IST1: variants seen among roughly 807,000 people sequenced by gnomAD.
IST1 encodes the protein IST1 factor associated with ESCRT-III.
In IST1, 23 loss-of-function variants were observed where a neutral mutation model predicts 37.0. The observed-to-expected ratio is 0.62, with a 90% CI of 0.45 to 0.88. IST1 has a LOEUF of 0.88. Ranked by LOEUF, IST1 falls within the 40% of genes least tolerant of loss-of-function variation. IST1 has a pLI of 0.00. For missense variants in IST1, 488 were observed against 445.4 expected, an observed-to-expected ratio of 1.10 and a Z score of -0.86; for synonymous variants, 180 against 161.7, an observed-to-expected ratio of 1.11 and a Z score of -0.86.
At chr16:71,904,835 T>C (rs954360009) in intron 1 of IST1, among the ~76,000 whole-genome samples, 5 of 152,234 alleles carry the variant, frequency 3.3e-5, no homozygotes, top group Admixed American at 6.5e-5. Context: ...TTTGGTTCAT[T>C]CTCACAATAT....
chr16:71,895,502 CTTG>C, upstream of IST1: 2 of 985,730 alleles, frequency 2.0e-6, no homozygotes, highest in Non-Finnish European at 2.4e-6. Flanking sequence ...TCCGCCCGCG[CTTG>C]TTGTGCTGAG....
upstream of IST1, chr16:71,895,478 G>GC (rs2036943095): frequency 1.0e-5 from 10 of 981,670 alleles, no homozygotes; most frequent in Non-Finnish European, 1.2e-5. Flanking sequence ...GGCTATATCG[G>GC]CCCCGTGGAT....
chr16:71,895,215 TGAGGCCGTGGGCGCA>T (rs576686015), upstream of IST1: 119 of 180,040 alleles, frequency 6.6e-4, 4 homozygotes, highest in East Asian at 0.017. Flanking sequence ...CTGGGCGCGG[TGAGGCCGTGGGCGCA>T]GAGTCCGAGA....
Position 71,927,628 on chromosome 16 carries a change from C to G in IST1, c.916C>G (p.Pro306Ala), listed in dbSNP as rs1035353729. Reference protein sequence around the residue: ...SAQIVGPGPKPEASAKLPSRP... With the variant: ...SAQIVGPGPKAEASAKLPSRP... ...GCCCTAATTAGGTCCTGGACCCAAGCCAGAAGCCTCTGCAAAGCTTCCTTC... is the reference window on the plus strand; with the variant it reads ...GCCCTAATTAGGTCCTGGACCCAAGGCAGAAGCCTCTGCAAAGCTTCCTTC... The change falls in exon 10 of 10, where the codon CCA becomes GCA. Residue 306 changes from proline to alanine, a missense_variant. Physicochemically the swap from Pro to Ala is conservative, Grantham distance 27. Around this residue, in one of 2 missense-constraint regions of IST1, gnomAD observed 455 missense variants for 386.2 expected, o/e 1.18. Coordinates refer to ENST00000378799, the MANE Select transcript of IST1 (RefSeq NM_001270975.2). The G allele has an allele frequency of 6.2e-7, 1 of 1,613,570 alleles. No individual in the cohort carries two copies. Among genetic ancestry groups the G allele is most frequent in the Non-Finnish European group, 8.5e-7 (1 of 1,179,632 alleles).
chr16:71,930,088 A>G lies in IST1; in HGVS notation c.*2275A>G, dbSNP rs1418710064. The G allele has an allele frequency of 3.9e-6, 6 of 1,551,516 alleles. No homozygotes were observed. The East Asian group carries it at 1.5e-4, about 38-fold the overall frequency. On this transcript the variant is annotated 3_prime_UTR_variant, in exon 10 of 10. Transcript: ENST00000378799. Reference sequence around the variant, plus strand: ...TTCTTTCTTTTCCAAAGGCCATGAGAATGGCCGAAACGAAAAGATTAATTA... The same window carrying G: ...TTCTTTCTTTTCCAAAGGCCATGAGGATGGCCGAAACGAAAAGATTAATTA...
Position 71,899,781 on chromosome 16 carries a change from C to T in IST1, c.-16+4192C>T, listed in dbSNP as rs373873993. Among the ~76,000 whole-genome samples the T allele has an allele frequency of 1.9e-4, 29 of 150,132 alleles. 1 individual carries two copies. The highest frequency in any genetic ancestry group is 1.0e-3 in the Admixed American group (15 of 15,044). On this transcript the variant is annotated intron_variant, in intron 1 of 9. Coordinates refer to ENST00000378799, the MANE Select transcript of IST1 (RefSeq NM_001270975.2). ...GCTAACGCCTGTAATCCCAGCACTT[C>T]GGGAGGCCGAGGCGGGTGGATCACA...
intron 1 of IST1, among the ~76,000 whole-genome samples, chr16:71,904,319 C>A (rs892418396): frequency 1.3e-5 from 2 of 152,120 alleles, no homozygotes; most frequent in Non-Finnish European, 2.9e-5. Context: ...GATGGGGTTT[C>A]GTCATGTTGA....
intron 1 of IST1, among the ~76,000 whole-genome samples, chr16:71,915,304 A>AT (rs1447072939): frequency 6.6e-6 from 1 of 152,034 alleles, no homozygotes; most frequent in Non-Finnish European, 1.5e-5. Flanking sequence ...CTGTCACCAA[A>AT]TTCTTTCAGC....
upstream of IST1, chr16:71,895,005 G>A (rs1157237744): frequency 1.7e-6 from 1 of 595,764 alleles, no homozygotes; most frequent in Non-Finnish European, 2.9e-6. Flanking sequence ...TAAAAGCGGG[G>A]CGGGGGAACG....
At chr16:71,922,818 TGTG>T (rs761560381) in intron 7 of IST1, 138 bp downstream of exon 7, 6 of 702,718 alleles carry the variant, frequency 8.5e-6, no homozygotes, top group African/African-American at 1.8e-5. Flanking sequence ...GCAGTCATCT[TGTG>T]GGGAAAAAAC....
chr16:71,905,954 C>T (rs922386092), intron 1 of IST1, among the ~76,000 whole-genome samples: 10 of 151,624 alleles, frequency 6.6e-5, no homozygotes, highest in Non-Finnish European at 1.5e-5. Context: ...TTCTGGGTTT[C>T]CTTCTGGTTA....
chr16:71,927,977 G>C lies in IST1; in HGVS notation c.*164G>C, dbSNP rs569026674. ...CTCCTCCAGATTCTGCTGCTTTCCA[G>C]TTCTCTGTTGATCCTGAGACTAACA... On this transcript the variant is annotated 3_prime_UTR_variant, in exon 10 of 10. Coordinates refer to ENST00000378799, the MANE Select transcript of IST1 (RefSeq NM_001270975.2). 5.0e-6 allele frequency: 3 copies of C among 606,012 alleles called. No individual in the cohort carries two copies. Among genetic ancestry groups the C allele is most frequent in the African/African-American group, 3.7e-5 (2 of 54,038 alleles). The allele number at this position is 606,012 out of a possible 1,614,324, so 37.5% of individuals were successfully genotyped here. A position where few individuals can be genotyped will look rare whatever the true frequency, so the allele number is the denominator to read the frequency against.
chr16:71,923,676 G>A (rs763986712), intron 8 of IST1, among the ~76,000 whole-genome samples: 2 of 152,174 alleles, frequency 1.3e-5, no homozygotes, highest in African/African-American at 2.4e-5. Flanking sequence ...TGTTTTGACC[G>A]ACTAGGCAGA....
At position 71,913,894 on chromosome 16, in the gene IST1, C is replaced by T. The variant is rs111577250; in HGVS notation, c.-15-1732C>T. On this transcript the variant is annotated intron_variant, in intron 1 of 9. Transcript: ENST00000378799. ...TGTGATCTCAGCTCACTGCAAACTC[C>T]GCCTCCTGGGTTAAAGCAATTCTCC... Among the ~76,000 whole-genome samples, 900 of 151,904 alleles carry T rather than the reference C, an allele frequency of 5.9e-3. 12 individuals carry two copies. Among genetic ancestry groups the T allele is most frequent in the African/African-American group, 0.02 (848 of 41,414 alleles).
chr16:71,929,666 G>A lies in IST1; in HGVS notation c.*1853G>A, dbSNP rs1007690847. ...AGCTTCTGTAGCAGTGTATCTATTA[G>A]TGCAGCTTCTTTCTGAGTATTGAAG... On this transcript the variant is annotated 3_prime_UTR_variant, in exon 10 of 10. Transcript: ENST00000378799. 9 of 1,547,324 alleles carry A rather than the reference G, an allele frequency of 5.8e-6. No homozygotes were observed. The highest frequency in any genetic ancestry group is 7.0e-6 in the Non-Finnish European group (8 of 1,145,666).
intron 1 of IST1, among the ~76,000 whole-genome samples, chr16:71,903,873 G>A (rs1449706634): frequency 3.9e-5 from 6 of 152,174 alleles, no homozygotes; most frequent in Admixed American, 6.6e-5. Flanking sequence ...AGGTTGATCA[G>A]TTATGGTGGG....
At chr16:71,895,649 A>G (rs2036948614) in intron 1 of IST1, 60 bp downstream of exon 1, 6 of 725,200 alleles carry the variant, frequency 8.3e-6, no homozygotes, top group Non-Finnish European at 1.0e-5. Flanking sequence ...TGCGCTCCTG[A>G]TTTAGCGGTC....
At chr16:71,925,477 A>G (rs541910042) in intron 9 of IST1, among the ~76,000 whole-genome samples, 2 of 151,396 alleles carry the variant, frequency 1.3e-5, no homozygotes, top group African/African-American at 4.9e-5. Context: ...CACCACGCCC[A>G]GCTAATTTTT....
At chr16:71,921,973 T>G (rs944610676) in intron 6 of IST1, among the ~76,000 whole-genome samples, 3 of 152,108 alleles carry the variant, frequency 2.0e-5, no homozygotes, top group Non-Finnish European at 4.4e-5. Flanking sequence ...CTGTCTCTAC[T>G]AAAAATACAA....
Sources: allele counts gnomAD v4.1 joint callset (sites outside exome capture counted in the v4.1 genomes callset), GRCh38; gene constraint gnomAD v4.1.1; regional missense constraint gnomAD v4.1.1; transcripts MANE v1.5; gene names NCBI Gene and HGNC (gene_info 2026-07-23, HGNC 2026-07-21).